Variants in RASA3 observed in about 807,000 individuals in gnomAD.
The protein encoded by RASA3 is ras GTPase-activating protein 3.
RASA3 carries 73 observed loss-of-function variants against 110.0 expected under a neutral mutation model. The observed-to-expected ratio is 0.66, with a 90% CI of 0.55 to 0.81. RASA3 has a LOEUF of 0.81. Ranked by LOEUF, RASA3 falls within the 30% of genes least tolerant of loss-of-function variation. RASA3 has a pLI of 0.00. For missense variants in RASA3, 976 were observed against 1,113.2 expected, an observed-to-expected ratio of 0.88 and a Z score of 1.75; for synonymous variants, 500 against 451.4, an observed-to-expected ratio of 1.11 and a Z score of -1.37.
intron 1 of RASA3, among the ~76,000 whole-genome samples, chr13:114,098,396 C>T (rs975518870): frequency 1.3e-5 from 2 of 152,216 alleles, no homozygotes; most frequent in Non-Finnish European, 2.9e-5. Context: ...ACACCAGCGA[C>T]ATCCAGGGGT....
chr13:114,132,556 C>A lies in RASA3; in HGVS notation c.-67G>T. 8.0e-7 allele frequency: 1 copy of A among 1,251,794 alleles called. No individual in the cohort carries two copies. Among genetic ancestry groups the A allele is most frequent in the Non-Finnish European group, 1.0e-6 (1 of 996,692 alleles). 77.5% of individuals were successfully genotyped at this position (1,251,794 alleles called of 1,614,324 possible). On this transcript the variant is annotated 5_prime_UTR_variant, in exon 1 of 24. Transcript: ENST00000334062. Reference sequence around the variant, plus strand: ...CCGAGCCCGGGCAGCTCAGGCCGAGCAGGAGGAGCGGCGGCGCCGGAGCCC... The same window carrying A: ...CCGAGCCCGGGCAGCTCAGGCCGAGAAGGAGGAGCGGCGGCGCCGGAGCCC...
intron 14 of RASA3, among the ~76,000 whole-genome samples, chr13:114,013,489 G>GTCTC (rs142638282): frequency 2.3e-5 from 3 of 130,682 alleles, no homozygotes; most frequent in Non-Finnish European, 3.2e-5. Flanking sequence ...CCGTATCTCT[G>GTCTC]TCTCTCTCTC....
chr13:114,110,889 C>T (rs1332904078), intron 1 of RASA3, among the ~76,000 whole-genome samples: 1 of 152,098 alleles, frequency 6.6e-6, no homozygotes. Flanking sequence ...TCGGGGGCAG[C>T]AGAGTGAGGG....
chr13:114,060,622 G>T (rs2079322668), intron 2 of RASA3, among the ~76,000 whole-genome samples: 1 of 152,222 alleles, frequency 6.6e-6, no homozygotes, highest in Non-Finnish European at 1.5e-5. Context: ...GACGCGAAGG[G>T]CCAGGACCGG....
chr13:114,037,198 G>A (rs1566510279), intron 4 of RASA3, among the ~76,000 whole-genome samples: 2 of 152,164 alleles, frequency 1.3e-5, no homozygotes, highest in Admixed American at 6.5e-5. Context: ...GCTTTGTGGA[G>A]ATGCAACGTC....
intron 19 of RASA3, 132 bp downstream of exon 19, chr13:114,000,694 T>A (rs2053373612): frequency 1.5e-6 from 1 of 678,926 alleles, no homozygotes; most frequent in East Asian, 2.6e-5. Context: ...GGGCTCTGGG[T>A]CACCGCGGCC....
intron 18 of RASA3, among the ~76,000 whole-genome samples, chr13:114,003,430 G>A (rs1228400455): frequency 6.6e-6 from 1 of 152,222 alleles, no homozygotes; most frequent in Non-Finnish European, 1.5e-5. Context: ...AGGGATTACA[G>A]GATGAATATC....
intron 22 of RASA3, among the ~76,000 whole-genome samples, chr13:113,991,904 A>G (rs1047694302): frequency 7.9e-5 from 12 of 151,946 alleles, no homozygotes; most frequent in Non-Finnish European, 1.3e-4. Context: ...TCACACATGT[A>G]CCCACACATT....
chr13:114,027,958 G>A, intron 5 of RASA3, 31 bp from the exon 6 acceptor site: 2 of 1,584,276 alleles, frequency 1.3e-6, no homozygotes, highest in South Asian at 2.2e-5. Flanking sequence ...GGCGTCAGGA[G>A]GGAGCGCAGA....
In RASA3 at chr13:114,066,406, G is replaced by T. The variant is rs149603658; in HGVS notation, c.173+7314C>A. On this transcript the variant is annotated intron_variant, in intron 2 of 23. Transcript: ENST00000334062. ...GAGAGGGCCAGCGGCCGAGGAGCGG[G>T]AGGCGGCCGGGCGAGAGGAGGCCCG... Among the ~76,000 whole-genome samples, 874 of 152,308 alleles carry T rather than the reference G, an allele frequency of 5.7e-3. 1 individual carries two copies. The highest frequency in any genetic ancestry group is 0.017 in the African/African-American group (697 of 41,566).
intron 1 of RASA3, among the ~76,000 whole-genome samples, chr13:114,097,384 G>GCAAACACC (rs1481724401): frequency 3.9e-5 from 6 of 152,228 alleles, no homozygotes; most frequent in Admixed American, 2.6e-4. Context: ...GGCGCCAGGA[G>GCAAACACC]CAAACACCCA....
chr13:114,128,684 G>A (rs538885805), intron 1 of RASA3, among the ~76,000 whole-genome samples: 38 of 152,368 alleles, frequency 2.5e-4, no homozygotes, highest in Non-Finnish European at 3.5e-4. Flanking sequence ...CAGACCGGCC[G>A]TGGGTCTTCT....
chr13:114,027,694 C>T, intron 6 of RASA3, 153 bp downstream of exon 6: 1 of 914,840 alleles, frequency 1.1e-6, no homozygotes, highest in Non-Finnish European at 1.7e-6. Context: ...AATTTTGGAG[C>T]AATAAAGAAA....
Position 114,048,539 on chromosome 13 carries a change from G to C in RASA3, c.277+3513C>G, listed in dbSNP as rs973809980. On this transcript the variant is annotated intron_variant, in intron 3 of 23. Coordinates refer to ENST00000334062, the MANE Select transcript of RASA3 (RefSeq NM_007368.4). This position sits in a 1 kb window ranked among gnomAD's most constrained non-coding sequence, Gnocchi z 4.3. The stretch of plus-strand genomic sequence containing the variant: ...TCCTGACAGCACCGAGCCGGGCCTC[G>C]CGCATTTCCGTGGTTCCCGCATCCC... Among the ~76,000 whole-genome samples the C allele has an allele frequency of 6.6e-6, 1 of 152,208 alleles. No individual in the cohort carries two copies. The highest frequency in any genetic ancestry group is 1.5e-5 in the Non-Finnish European group (1 of 68,032).
intron 4 of RASA3, among the ~76,000 whole-genome samples, chr13:114,039,058 A>T (rs1324612976): frequency 6.6e-6 from 1 of 152,228 alleles, no homozygotes; most frequent in Non-Finnish European, 1.5e-5. Context: ...CCCAGATGGG[A>T]AAACTGAGGC....
intron 8 of RASA3, among the ~76,000 whole-genome samples, chr13:114,023,415 T>A (rs2053968002): frequency 6.6e-6 from 1 of 152,184 alleles, no homozygotes; most frequent in Admixed American, 6.5e-5. Context: ...GTTTCCTTCC[T>A]TCTCTGTCCA....
intron 1 of RASA3, among the ~76,000 whole-genome samples, chr13:114,102,775 G>A (rs929461845): frequency 7.2e-5 from 11 of 152,170 alleles, no homozygotes; most frequent in African/African-American, 2.7e-4. Flanking sequence ...TATGGTCTCC[G>A]GGGCTTCCTG....
intron 17 of RASA3, 48 bp from the exon 18 acceptor site, chr13:114,007,654 C>T (rs773690675): frequency 1.5e-5 from 22 of 1,433,716 alleles, no homozygotes; most frequent in Middle Eastern, 1.7e-4. Flanking sequence ...ACACATCTGA[C>T]GTGCACGGCT....
chr13:113,980,084 A>ACCT (rs71105220), intron 23 of RASA3, among the ~76,000 whole-genome samples: 92,535 of 133,932 alleles, frequency 0.69, 30,616 homozygotes, highest in Non-Finnish European at 0.72. Flanking sequence ...TGTGTGCACC[A>ACCT]CCTCCCACGT....
Sources: allele counts gnomAD v4.1 joint callset (sites outside exome capture counted in the v4.1 genomes callset), GRCh38; gene constraint gnomAD v4.1.1; non-coding constraint Gnocchi (gnomAD v3.1); transcripts MANE v1.5; gene names NCBI Gene and HGNC (gene_info 2026-07-23, HGNC 2026-07-21).